NPY2R: variants seen among roughly 807,000 people sequenced by gnomAD.
NPY2R encodes the protein neuropeptide Y receptor Y2, also known as neuropeptide Y receptor type 2.
In NPY2R, 17 loss-of-function variants were observed where a neutral mutation model predicts 22.3. The observed-to-expected ratio is 0.76, with a 90% CI of 0.52 to 1.14. The LOEUF is 1.14. NPY2R is among the 50% of genes most tolerant of loss of function. The probability of loss-of-function intolerance (pLI) is 0.00; values close to 1 mark genes in which losing one functional copy is unlikely to be tolerated. For missense variants in NPY2R, 424 were observed against 467.9 expected, an observed-to-expected ratio of 0.91 and a Z score of 0.87; for synonymous variants, 209 against 183.4, an observed-to-expected ratio of 1.14 and a Z score of -1.13.
the NPY2R span, chr4:155,173,822 T>G: frequency 6.6e-6 from 1 of 152,092 alleles, no homozygotes; most frequent in African/African-American, 2.4e-5. Context: ...TTTCTCTCTT[T>G]TAAGCAGTAT....
the NPY2R span, among the ~76,000 whole-genome samples, chr4:155,178,325 T>C: frequency 5.3e-5 from 8 of 152,180 alleles, 1 homozygote. Flanking sequence ...AATGTGGCAG[T>C]AAATATTTAT....
the NPY2R span, among the ~76,000 whole-genome samples, chr4:155,187,202 G>T: frequency 1.3e-5 from 2 of 152,142 alleles, no homozygotes; most frequent in Non-Finnish European, 2.9e-5. Context: ...TCACTGAAAC[G>T]CACTACATCA....
chr4:155,211,348 G>A (rs188993815), intron 1 of NPY2R, among the ~76,000 whole-genome samples: 78 of 152,278 alleles, frequency 5.1e-4, no homozygotes, highest in African/African-American at 1.8e-3. Context: ...TGGGGTAACT[G>A]AGAGGCTTCC....
chr4:155,174,533 C>G, the NPY2R span, among the ~76,000 whole-genome samples: 8 of 141,250 alleles, frequency 5.7e-5, no homozygotes, highest in African/African-American at 1.9e-4. Flanking sequence ...GTATTTGGAT[C>G]AGGATATATT....
chr4:155,187,516 A>C, the NPY2R span, among the ~76,000 whole-genome samples: 2 of 152,166 alleles, frequency 1.3e-5, no homozygotes, highest in Admixed American at 1.3e-4. Context: ...AGAGAAGTGC[A>C]GAGGTAAAAT....
At position 155,214,613 on chromosome 4, in the gene NPY2R, T is replaced by C. The variant is rs1165109615; in HGVS notation, c.674T>C (p.Leu225Ser). The change falls in exon 2 of 2, where the codon TTG becomes TCG. Residue 225 changes from leucine to serine, a missense_variant. Physicochemically the swap from Leu to Ser is moderately radical, Grantham distance 145. Transcript: ENST00000329476. Reference sequence around the variant, plus strand: ...ACTGTCTATAGTCTTTCTTCCTTGTTGATCTTGTATGTTTTGCCTCTGGGC... The same window carrying C: ...ACTGTCTATAGTCTTTCTTCCTTGTCGATCTTGTATGTTTTGCCTCTGGGC... ...YGTVYSLSSL[L>S]ILYVLPLGII... 7 of 1,614,128 alleles carry C rather than the reference T, an allele frequency of 4.3e-6. No individual in the cohort carries two copies. The highest frequency in any genetic ancestry group is 5.9e-6 in the Non-Finnish European group (7 of 1,180,048).
At chr4:155,198,015 C>T in the NPY2R span, among the ~76,000 whole-genome samples, 103 of 152,138 alleles carry the variant, frequency 6.8e-4, no homozygotes, top group East Asian at 9.5e-3. Flanking sequence ...ATCACAGCAA[C>T]TATTTCTTAA....
chr4:155,178,085 T>C, the NPY2R span, among the ~76,000 whole-genome samples: 1 of 152,202 alleles, frequency 6.6e-6, no homozygotes, highest in Non-Finnish European at 1.5e-5. Flanking sequence ...TGAGGTTTCT[T>C]CAAATATTCT....
In NPY2R at chr4:155,213,937, A is replaced by G; in HGVS notation, c.-3A>G. 6.2e-7 allele frequency: 1 copy of G among 1,613,706 alleles called. No individual in the cohort carries two copies. The highest frequency in any genetic ancestry group is 8.5e-7 in the Non-Finnish European group (1 of 1,179,828). On this transcript the variant is annotated 5_prime_UTR_variant, in exon 2 of 2. Transcript: ENST00000329476. Reference sequence around the variant, plus strand: ...TTGCAGGCCAAGTGGACCTGTACTGAAAATGGGTCCAATAGGTGCAGAGGC... The same window carrying G: ...TTGCAGGCCAAGTGGACCTGTACTGGAAATGGGTCCAATAGGTGCAGAGGC...
At chr4:155,200,342 A>G in the NPY2R span, among the ~76,000 whole-genome samples, 4 of 151,492 alleles carry the variant, frequency 2.6e-5, no homozygotes, top group African/African-American at 9.8e-5. Flanking sequence ...TGATTATTAA[A>G]AAGTTAAGAA....
chr4:155,206,939 C>T (rs1225083079), upstream of NPY2R: 1 of 152,140 alleles, frequency 6.6e-6, no homozygotes, highest in Non-Finnish European at 1.5e-5. Context: ...ACATATAACA[C>T]ATATTTGGGC....
At position 155,214,333 on chromosome 4, in the gene NPY2R, C is replaced by T. The variant is rs574234226; in HGVS notation, c.394C>T (p.Leu132=). ...LCHLVPYAQG[L]AVQVSTITLT... ...CCACCTGGTGCCCTATGCCCAGGGC[C>T]TGGCAGTACAAGTATCCACAATCAC... The change falls in exon 2 of 2, where the codon CTG becomes TTG. Residue 132 remains leucine (L), a synonymous_variant. Coordinates refer to ENST00000329476, the MANE Select transcript of NPY2R (RefSeq NM_000910.4). The T allele has an allele frequency of 3.7e-6, 6 of 1,614,128 alleles. No homozygotes were observed. The highest frequency in any genetic ancestry group is 5.1e-6 in the Non-Finnish European group (6 of 1,180,026).
Position 155,208,651 on chromosome 4 carries a change from CTG to C in NPY2R, c.-465_-464del, listed in dbSNP as rs1387595860. On this transcript the variant is annotated 5_prime_UTR_variant, in exon 1 of 2. Transcript: ENST00000329476. This position sits in a 1 kb window ranked among gnomAD's most constrained non-coding sequence, Gnocchi z 5.6. ...GGAGGCGGCTGAGAGACCCTGGACA[CTG>C]TTCCTGCTCCCTCGCCACCAAAACT... 6.5e-6 allele frequency: 1 copy of C among 152,702 alleles called. No homozygotes were observed. Among genetic ancestry groups the C allele is most frequent in the Non-Finnish European group, 1.5e-5 (1 of 68,512 alleles). The allele number at this position is 152,702 out of a possible 1,614,324, so 9.5% of individuals were successfully genotyped here.
chr4:155,193,197 C>T, the NPY2R span, among the ~76,000 whole-genome samples: 17 of 151,904 alleles, frequency 1.1e-4, no homozygotes, highest in East Asian at 1.8e-3. Context: ...TATATATATA[C>T]GGTCCCATCG....
the NPY2R span, among the ~76,000 whole-genome samples, chr4:155,187,466 A>G: frequency 6.6e-6 from 1 of 152,122 alleles, no homozygotes; most frequent in Admixed American, 6.6e-5. Flanking sequence ...AAAGACAAGA[A>G]CCAAAGACAC....
the NPY2R span, among the ~76,000 whole-genome samples, chr4:155,181,416 T>C: frequency 1.3e-5 from 2 of 152,082 alleles, no homozygotes; most frequent in South Asian, 2.1e-4. Flanking sequence ...ATATAGAATA[T>C]GCCAACCATT....
intron 1 of NPY2R, among the ~76,000 whole-genome samples, chr4:155,209,519 A>G (rs2111036326): frequency 6.6e-6 from 1 of 152,162 alleles, no homozygotes; most frequent in African/African-American, 2.4e-5. Context: ...AAAAGCTTTG[A>G]GACTTTTTGC....
In NPY2R at chr4:155,214,997, T is replaced by C. The variant is rs529581097; in HGVS notation, c.1058T>C (p.Val353Ala). ...CGGTTGGATGCCATTCACTCTGAGGTGTCCGTGACATTCAAGGCTAAAAAG... is the reference window on the plus strand; with the variant it reads ...CGGTTGGATGCCATTCACTCTGAGGCGTCCGTGACATTCAAGGCTAAAAAG... ...EQRLDAIHSE[V>A]SVTFKAKKNL... The change falls in exon 2 of 2, where the codon GTG becomes GCG. Residue 353 changes from valine to alanine, a missense_variant. Transcript: ENST00000329476. The C allele has an allele frequency of 4.3e-5, 69 of 1,614,160 alleles. No homozygotes were observed. In the South Asian group the frequency reaches 7.5e-4, roughly 17 times the overall value.
chr4:155,190,849 T>A, the NPY2R span, among the ~76,000 whole-genome samples: 1 of 151,852 alleles, frequency 6.6e-6, no homozygotes, highest in Non-Finnish European at 1.5e-5. Flanking sequence ...ATAAGCAAAT[T>A]GGTAGTTTTT....
Sources: allele counts gnomAD v4.1 joint callset (sites outside exome capture counted in the v4.1 genomes callset), GRCh38; gene constraint gnomAD v4.1.1; non-coding constraint Gnocchi (gnomAD v3.1); transcripts MANE v1.5; gene names NCBI Gene and HGNC (gene_info 2026-07-23, HGNC 2026-07-21).